Variants in ANKRD33B observed in about 807,000 individuals in gnomAD.
The protein encoded by ANKRD33B is ankyrin repeat domain 33B, also known as ankyrin repeat domain-containing protein 33B.
In ANKRD33B, 6 loss-of-function variants were observed where a neutral mutation model predicts 21.5. The ratio of observed to expected loss-of-function variants is 0.28; its 90% CI spans 0.15 to 0.55. The LOEUF is 0.55. ANKRD33B is among the 20% of genes least tolerant of loss of function. The probability of loss-of-function intolerance (pLI) is 0.94; values close to 1 mark genes in which losing one functional copy is unlikely to be tolerated. For missense variants in ANKRD33B, 698 were observed against 747.2 expected, an observed-to-expected ratio of 0.93 and a Z score of 0.77; for synonymous variants, 347 against 342.4, an observed-to-expected ratio of 1.01 and a Z score of -0.15.
At chr5:10,612,579 C>T (rs1315988185) in intron 1 of ANKRD33B, among the ~76,000 whole-genome samples, 1 of 152,238 alleles carries the variant, frequency 6.6e-6, no homozygotes, top group East Asian at 1.9e-4. Flanking sequence ...TCTTCATTCA[C>T]GCTGCCCGAG....
At chr5:10,646,159 TCAACAAGGCAGCGA>T (rs1399438364) in intron 3 of ANKRD33B, among the ~76,000 whole-genome samples, 2 of 152,156 alleles carry the variant, frequency 1.3e-5, no homozygotes, top group Non-Finnish European at 2.9e-5. Flanking sequence ...CTTAGAGCAC[TCAACAAGGCAGCGA>T]GTGGACCCAT....
rs1420726488 is a variant in ANKRD33B at position 10,650,421 on chromosome 5, T to C, written c.*308T>C. 1 of 213,314 alleles carries C rather than the reference T, an allele frequency of 4.7e-6. No homozygotes were observed. The highest frequency in any genetic ancestry group is 9.2e-6 in the Non-Finnish European group (1 of 108,396). The allele number at this position is 213,314 out of a possible 1,614,324, so 13.2% of individuals were successfully genotyped here. On this transcript the variant is annotated 3_prime_UTR_variant, in exon 4 of 4. Transcript: ENST00000296657. ...GATCAATTTATCAAAGGGCGTTTTC[T>C]CCGTAATTTTGTATTTTTAATCATT...
At chr5:10,574,610 A>G (rs186402830) in intron 1 of ANKRD33B, among the ~76,000 whole-genome samples, 57 of 152,360 alleles carry the variant, frequency 3.7e-4, no homozygotes, top group Non-Finnish European at 6.3e-4. Flanking sequence ...GAAATCATGA[A>G]GATTATAGAT....
chr5:10,605,108 C>A (rs560960125), intron 1 of ANKRD33B, among the ~76,000 whole-genome samples: 1 of 152,326 alleles, frequency 6.6e-6, no homozygotes, highest in East Asian at 1.9e-4. Context: ...AGCTGGGGGC[C>A]TCAGTTCCTC....
At chr5:10,620,009 G>A (rs571322489) in intron 2 of ANKRD33B, among the ~76,000 whole-genome samples, 53 of 152,320 alleles carry the variant, frequency 3.5e-4, no homozygotes, top group African/African-American at 1.3e-3. Flanking sequence ...TAGGGACAGT[G>A]TAGGTGGGCA....
chr5:10,631,932 G>A (rs1232773068), intron 2 of ANKRD33B, among the ~76,000 whole-genome samples: 2 of 152,194 alleles, frequency 1.3e-5, no homozygotes, highest in East Asian at 3.8e-4. Context: ...AGAACGGCGG[G>A]GCAGCATCAG....
rs557985542 is a variant in ANKRD33B at position 10,647,906 on chromosome 5, C to G, written c.638-1360C>G. On this transcript the variant is annotated intron_variant, in intron 3 of 3. Coordinates refer to ENST00000296657, the MANE Select transcript of ANKRD33B (RefSeq NM_001164440.2). ...TGATTATAGATGTTAACCACAGCTG[C>G]AAAATACCTTTGGGGCAACACTTAG... is the stretch of plus-strand genomic sequence containing the variant. 2.6e-5 allele frequency among the ~76,000 whole-genome samples: 4 copies of G among 152,268 alleles called. No homozygotes were observed. The South Asian group carries it at 8.3e-4, about 32-fold the overall frequency.
Position 10,576,343 on chromosome 5 carries a change from C to T in ANKRD33B, c.366+11510C>T, listed in dbSNP as rs573297128. Among the ~76,000 whole-genome samples the T allele has an allele frequency of 5.3e-5, 8 of 152,260 alleles. No homozygotes were observed. The highest frequency in any genetic ancestry group is 2.1e-4 in the South Asian group (1 of 4,824). On this transcript the variant is annotated intron_variant, in intron 1 of 3. Transcript: ENST00000296657. The surrounding 1 kb of genome is among the most constrained non-coding windows in gnomAD (Gnocchi z 4.1). ...TTCACTGTGGTTCATGGGCCAGCAG[C>T]GTTGGCATCGCCTGGGAGCTTCTAC...
Position 10,620,195 on chromosome 5 carries a change from G to A in ANKRD33B, c.496+1733G>A, listed in dbSNP as rs578059680. Among the ~76,000 whole-genome samples, 202 of 152,292 alleles carry A rather than the reference G, an allele frequency of 1.3e-3. 1 individual carries two copies. The highest frequency in any genetic ancestry group is 2.0e-3 in the Non-Finnish European group (136 of 68,020). ...AGGGCTCAGAGCACAGGGAAGGGCC[G>A]GGAGCTGTGTGGCTAGAAACACAGT... On this transcript the variant is annotated intron_variant, in intron 2 of 3. Coordinates refer to ENST00000296657, the MANE Select transcript of ANKRD33B (RefSeq NM_001164440.2).
intron 1 of ANKRD33B, among the ~76,000 whole-genome samples, chr5:10,583,296 G>A (rs373627794): frequency 3.9e-5 from 6 of 152,062 alleles, no homozygotes; most frequent in African/African-American, 1.2e-4. Flanking sequence ...CACCGCGCCC[G>A]ACCTGTCCCT....
intron 1 of ANKRD33B, among the ~76,000 whole-genome samples, chr5:10,580,509 C>T (rs1735421702): frequency 1.3e-5 from 2 of 149,106 alleles, no homozygotes; most frequent in Admixed American, 1.3e-4. Flanking sequence ...CCACCCCCAG[C>T]CCCACCCTGC....
intron 3 of ANKRD33B, among the ~76,000 whole-genome samples, chr5:10,643,441 A>G (rs1328721069): frequency 6.6e-6 from 1 of 151,610 alleles, no homozygotes; most frequent in Non-Finnish European, 1.5e-5. Flanking sequence ...TTAAATGGGA[A>G]AGGATATACA....
rs556852002 is a variant in ANKRD33B at position 10,637,870 on chromosome 5, CAGG to C, written c.497-155_497-153del. ...CTCCTTTCCTCTGTTTCCTGGGCTC[CAGG>C]AGAATTCTGTCTTGGGGTCCGAGAA... On this transcript the variant is annotated intron_variant, in intron 2 of 3. Coordinates refer to ENST00000296657, the MANE Select transcript of ANKRD33B (RefSeq NM_001164440.2). Among the ~76,000 whole-genome samples the C allele has an allele frequency of 8.5e-5, 13 of 152,204 alleles. No homozygotes were observed. The South Asian group carries it at 2.7e-3, about 32-fold the overall frequency.
At chr5:10,642,499 G>A (rs1737082814) in intron 3 of ANKRD33B, among the ~76,000 whole-genome samples, 1 of 152,128 alleles carries the variant, frequency 6.6e-6, no homozygotes, top group Non-Finnish European at 1.5e-5. Context: ...CCAGGACCCA[G>A]TTTCAAATTC....
intron 1 of ANKRD33B, among the ~76,000 whole-genome samples, chr5:10,586,903 G>T (rs1735578094): frequency 1.3e-5 from 2 of 152,132 alleles, no homozygotes; most frequent in Admixed American, 1.3e-4. Context: ...CTAAGAAATT[G>T]GGAGACTCTT....
In ANKRD33B at chr5:10,603,024, G is replaced by A. The variant is rs186719722; in HGVS notation, c.367-15309G>A. On this transcript the variant is annotated intron_variant, in intron 1 of 3. Transcript: ENST00000296657. ...AGACGCGGTTTTGCCATGTTGCCCA[G>A]GCTGGTCTCGAGCTTCTGAGCTCAA... 1.2e-4 allele frequency among the ~76,000 whole-genome samples: 18 copies of A among 152,062 alleles called. No homozygotes were observed. The East Asian group carries it at 3.1e-3, about 26-fold the overall frequency.
At chr5:10,644,022 G>C (rs1453750927) in intron 3 of ANKRD33B, among the ~76,000 whole-genome samples, 2 of 141,702 alleles carry the variant, frequency 1.4e-5, no homozygotes, top group African/African-American at 5.3e-5. Context: ...AAAAAAAAAA[G>C]TGTTGAATTG....
At chr5:10,590,866 T>A (rs1247804937) in intron 1 of ANKRD33B, among the ~76,000 whole-genome samples, 1 of 152,138 alleles carries the variant, frequency 6.6e-6, no homozygotes, top group African/African-American at 2.4e-5. Flanking sequence ...TATCTCAGGA[T>A]TTCCGCCTTC....
Position 10,564,412 on chromosome 5 carries a change from G to T in ANKRD33B, c.-56G>T. On this transcript the variant is annotated 5_prime_UTR_variant, in exon 1 of 4. Coordinates refer to ENST00000296657, the MANE Select transcript of ANKRD33B (RefSeq NM_001164440.2). ...AAGCGGGGACCTCGGCGCGCGCCCC[G>T]CGTCCCGCTCTTCCTGCCCGCGCCC... is the stretch of plus-strand genomic sequence containing the variant. 9.9e-7 allele frequency: 1 copy of T among 1,012,996 alleles called. No homozygotes were observed. 62.8% of individuals were successfully genotyped at this position (1,012,996 alleles called of 1,614,324 possible).
Sources: allele counts gnomAD v4.1 joint callset (sites outside exome capture counted in the v4.1 genomes callset), GRCh38; gene constraint gnomAD v4.1.1; non-coding constraint Gnocchi (gnomAD v3.1); transcripts MANE v1.5; gene names NCBI Gene and HGNC (gene_info 2026-07-23, HGNC 2026-07-21).